MAPKAPK3: variants seen among roughly 807,000 people sequenced by gnomAD.
MAPKAPK3 encodes the protein MAP kinase-activated protein kinase 3.
Under a neutral mutation model 49.2 loss-of-function variants are expected in MAPKAPK3, and 35 were observed. The observed-to-expected ratio is 0.71, with a 90% CI of 0.54 to 0.94. The LOEUF is 0.94. Ranked by LOEUF, MAPKAPK3 falls within the 40% of genes least tolerant of loss-of-function variation. The probability of loss-of-function intolerance (pLI) is 0.00; values close to 1 mark genes in which losing one functional copy is unlikely to be tolerated. For missense variants in MAPKAPK3, 398 were observed against 493.1 expected (o/e 0.81, Z 1.83); for synonymous variants, 178 against 188.7 (o/e 0.94, Z 0.46).
chr3:50,611,828 C>G (rs1018803703), upstream of MAPKAPK3: 1 of 747,294 alleles, frequency 1.3e-6, no homozygotes, highest in Non-Finnish European at 1.9e-6. Flanking sequence ...GCCAGACGAG[C>G]GGGGCGGGGC....
chr3:50,640,533 C>T lies in MAPKAPK3; in HGVS notation c.359+28C>T, dbSNP rs868088281. 5.7e-6 allele frequency: 9 copies of T among 1,578,892 alleles called. No individual in the cohort carries two copies. In the South Asian group the frequency reaches 7.9e-5, roughly 14 times the overall value. On this transcript the variant is annotated intron_variant, in intron 3 of 10. Transcript: ENST00000621469. ...ATGCTGGCCTGCCCTGTCTCCACAC[C>T]CCCTCGGCATCCCTGTGGCCCTCAG...
At chr3:50,645,676 G>A (rs767687548) in intron 6 of MAPKAPK3, 34 bp from the exon 7 acceptor site, 4 of 1,590,624 alleles carry the variant, frequency 2.5e-6, no homozygotes, top group Non-Finnish European at 3.5e-6. Context: ...AGACCCTTGG[G>A]TCTGAGAGCC....
intron 2 of MAPKAPK3, among the ~76,000 whole-genome samples, chr3:50,637,731 C>CAG (rs537848595): frequency 6.6e-4 from 93 of 140,852 alleles, no homozygotes; most frequent in African/African-American, 2.5e-3. Context: ...GAGATGGAGA[C>CAG]AGAGAGAGAG....
intron 2 of MAPKAPK3, among the ~76,000 whole-genome samples, chr3:50,637,527 C>T (rs928033552): frequency 6.6e-6 from 1 of 151,408 alleles, no homozygotes; most frequent in Non-Finnish European, 1.5e-5. Flanking sequence ...CCCAGCTACT[C>T]GGGAGGCTGA....
intron 6 of MAPKAPK3, among the ~76,000 whole-genome samples, 180 bp from the exon 7 acceptor site, chr3:50,645,530 A>C (rs951813492): frequency 1.3e-4 from 20 of 152,090 alleles, no homozygotes; most frequent in African/African-American, 4.3e-4. Context: ...TTTTTCCAGG[A>C]GCTTTCTCCT....
At position 50,648,937 on chromosome 3, in the gene MAPKAPK3, G is replaced by C. The variant is rs1313522261; in HGVS notation, c.*891G>C. On this transcript the variant is annotated 3_prime_UTR_variant, in exon 11 of 11. Transcript: ENST00000621469. ...CTTTTGGTATACTTGTGTGAAAGTG[G>C]CTGGTTGGGAGCAGAGCTAAGTGGC... The C allele has an allele frequency of 6.6e-6, 1 of 152,270 alleles. No homozygotes were observed. The highest frequency in any genetic ancestry group is 2.4e-5 in the African/African-American group (1 of 41,470). The allele number at this position is 152,270 out of a possible 1,614,324, so 9.4% of individuals were successfully genotyped here.
chr3:50,641,808 G>A, intron 4 of MAPKAPK3, 37 bp downstream of exon 4: 1 of 1,582,106 alleles, frequency 6.3e-7, no homozygotes, highest in Non-Finnish European at 8.7e-7. Flanking sequence ...GAGGATTCAG[G>A]GTGAGAGGTA....
rs987726859 is a variant in MAPKAPK3 at position 50,621,768 on chromosome 3, T to C, written c.219+3984T>C. On this transcript the variant is annotated intron_variant, in intron 2 of 10. Transcript: ENST00000621469. ...AGCCTGGGTGACAGAGTGAGACCCATCTCAAAAATTGAAAGAAAGAAAAGC... is the reference window on the plus strand; with the variant it reads ...AGCCTGGGTGACAGAGTGAGACCCACCTCAAAAATTGAAAGAAAGAAAAGC... Among the ~76,000 whole-genome samples, 7 of 152,068 alleles carry C rather than the reference T, an allele frequency of 4.6e-5. 1 individual carries two copies. Among genetic ancestry groups the C allele is most frequent in the Non-Finnish European group, 1.5e-5 (1 of 68,004 alleles).
At chr3:50,641,156 T>G (rs2033168511) in intron 3 of MAPKAPK3, among the ~76,000 whole-genome samples, 1 of 152,194 alleles carries the variant, frequency 6.6e-6, no homozygotes, top group African/African-American at 2.4e-5. Flanking sequence ...TGTGCTTGAC[T>G]CCATTCTAAG....
chr3:50,617,862 G>A, intron 2 of MAPKAPK3, 78 bp downstream of exon 2: 1 of 1,162,096 alleles, frequency 8.6e-7, no homozygotes, highest in South Asian at 1.3e-5. Flanking sequence ...TATGTCTAGC[G>A]CCCCTGCTAA....
chr3:50,619,125 G>A (rs1463415647), intron 2 of MAPKAPK3, among the ~76,000 whole-genome samples: 2 of 152,240 alleles, frequency 1.3e-5, no homozygotes, highest in Non-Finnish European at 1.5e-5. Context: ...TATTCATGGG[G>A]AAAGATAAGG....
intron 2 of MAPKAPK3, among the ~76,000 whole-genome samples, chr3:50,629,519 G>T (rs2032850882): frequency 6.6e-6 from 1 of 152,208 alleles, no homozygotes; most frequent in Admixed American, 6.5e-5. Flanking sequence ...CTGGGAACAG[G>T]AGTATTAGCA....
At position 50,648,281 on chromosome 3, in the gene MAPKAPK3, G is replaced by A. The variant is rs1264017139; in HGVS notation, c.*235G>A. On this transcript the variant is annotated 3_prime_UTR_variant, in exon 11 of 11. Coordinates refer to ENST00000621469, the MANE Select transcript of MAPKAPK3 (RefSeq NM_001243925.2). ...AGGGCCTAGGGGCTGGGAGCTGCCT[G>A]CTGCCATAGCAGCACCTTTAGCTAG... The A allele has an allele frequency of 4.1e-6, 2 of 491,370 alleles. No individual in the cohort carries two copies. The highest frequency in any genetic ancestry group is 3.9e-5 in the Admixed American group (1 of 25,912). The allele number at this position is 491,370 out of a possible 1,614,324, so 30.4% of individuals were successfully genotyped here. A position where few individuals can be genotyped will look rare whatever the true frequency, so the allele number is the denominator to read the frequency against.
intron 2 of MAPKAPK3, among the ~76,000 whole-genome samples, chr3:50,620,866 G>C (rs1484531997): frequency 6.6e-6 from 1 of 152,168 alleles, no homozygotes; most frequent in Non-Finnish European, 1.5e-5. Context: ...TTCTCCTGCT[G>C]ACCTCTTGCT....
At chr3:50,631,190 C>T (rs73833406) in intron 2 of MAPKAPK3, among the ~76,000 whole-genome samples, 1 of 152,180 alleles carries the variant, frequency 6.6e-6, no homozygotes, top group Non-Finnish European at 1.5e-5. Context: ...TAATGAGCTA[C>T]GAAAGCTCGG....
chr3:50,647,064 A>T, intron 9 of MAPKAPK3, 59 bp from the exon 10 acceptor site: 1 of 1,394,000 alleles, frequency 7.2e-7, no homozygotes, highest in Non-Finnish European at 1.0e-6. Flanking sequence ...GAGTAGGGGG[A>T]ACCAGTGCTG....
chr3:50,616,822 G>A (rs2032475246), upstream of MAPKAPK3, among the ~76,000 whole-genome samples: 1 of 152,074 alleles, frequency 6.6e-6, no homozygotes, highest in African/African-American at 2.4e-5. Context: ...CCCGACTCAA[G>A]GAGAGCTTTC....
intron 2 of MAPKAPK3, among the ~76,000 whole-genome samples, chr3:50,618,935 TG>T (rs2032541594): frequency 6.6e-6 from 1 of 152,226 alleles, no homozygotes; most frequent in Non-Finnish European, 1.5e-5. Flanking sequence ...GTGATCTGCC[TG>T]CCTTGGCCTC....
At chr3:50,636,128 C>A (rs963506474) in intron 2 of MAPKAPK3, among the ~76,000 whole-genome samples, 5 of 151,964 alleles carry the variant, frequency 3.3e-5, no homozygotes, top group Non-Finnish European at 7.4e-5. Flanking sequence ...AAATCTACAA[C>A]TATTACCTGA....
Sources: allele counts gnomAD v4.1 joint callset (sites outside exome capture counted in the v4.1 genomes callset), GRCh38; gene constraint gnomAD v4.1.1; transcripts MANE v1.5; gene names NCBI Gene and HGNC (gene_info 2026-07-23, HGNC 2026-07-21).